Variants in DPH6 observed in about 807,000 individuals in gnomAD.
DPH6 encodes diphthine--ammonia ligase.
DPH6 carries 33 observed loss-of-function variants against 38.2 expected under a neutral mutation model. The ratio of observed to expected loss-of-function variants is 0.86; its 90% CI spans 0.65 to 1.15. The LOEUF (loss-of-function observed/expected upper bound fraction) is 1.15. Among genes scored for constraint, DPH6 ranks in the 50% most tolerant of loss-of-function variants. The pLI, the probability that DPH6 is intolerant of heterozygous loss-of-function variation, is 0.00. For synonymous variants in DPH6, 108 were observed against 103.0 expected (o/e 1.05, Z -0.30); for missense variants, 325 against 320.0 (o/e 1.02, Z -0.12).
intron 5 of DPH6, among the ~76,000 whole-genome samples, chr15:35,431,597 G>C (rs2053632927): frequency 6.6e-6 from 1 of 151,932 alleles, no homozygotes; most frequent in Admixed American, 6.6e-5. Context: ...TACTTTCCTG[G>C]AACAACAATT....
intron 3 of DPH6, among the ~76,000 whole-genome samples, chr15:35,260,106 T>G (rs960474440): frequency 6.6e-6 from 1 of 152,076 alleles, no homozygotes; most frequent in Non-Finnish European, 1.5e-5. Context: ...CAGGAGATTC[T>G]TTTATTTTAT....
At chr15:35,232,805 T>G (rs967156568) in intron 3 of DPH6, among the ~76,000 whole-genome samples, 6 of 152,214 alleles carry the variant, frequency 3.9e-5, no homozygotes, top group African/African-American at 1.4e-4. Context: ...CTAGCAATAT[T>G]TATCTTAATT....
exon 4 of DPH6, chr15:35,218,100 A>T (rs1277067320): frequency 6.6e-6 from 1 of 152,174 alleles, no homozygotes; most frequent in Non-Finnish European, 1.5e-5. Flanking sequence ...CAGATGCAGA[A>T]CCCACAGATA....
At chr15:35,433,366 A>T (rs1478762182) in intron 5 of DPH6, among the ~76,000 whole-genome samples, 3 of 152,206 alleles carry the variant, frequency 2.0e-5, no homozygotes, top group Non-Finnish European at 4.4e-5. Context: ...TAGCTTTTCA[A>T]AGCAGGAGAA....
chr15:35,338,407 T>C (rs1014186492), intron 3 of DPH6, among the ~76,000 whole-genome samples: 2 of 152,210 alleles, frequency 1.3e-5, no homozygotes, highest in African/African-American at 4.8e-5. Flanking sequence ...AAGACATTTA[T>C]GCAGCCAAAA....
the DPH6 span, among the ~76,000 whole-genome samples, chr15:35,194,614 G>C: frequency 6.6e-6 from 1 of 152,184 alleles, no homozygotes; most frequent in African/African-American, 2.4e-5. Context: ...TGCTTCTGTA[G>C]TCGAATATTT....
At chr15:35,262,914 C>T (rs1463429627) in intron 3 of DPH6, among the ~76,000 whole-genome samples, 1 of 152,036 alleles carries the variant, frequency 6.6e-6, no homozygotes, top group East Asian at 1.9e-4. Flanking sequence ...GTGAGAGAAT[C>T]ATGCAGAATT....
chr15:35,299,170 G>A, intron 3 of DPH6: 3 of 1,333,436 alleles, frequency 2.2e-6, no homozygotes, highest in Non-Finnish European at 3.2e-6. Flanking sequence ...AAGGGAATCA[G>A]AACTTCCCCT....
chr15:35,430,489 A>G (rs537991784), intron 5 of DPH6, among the ~76,000 whole-genome samples: 15 of 151,970 alleles, frequency 9.9e-5, no homozygotes, highest in Non-Finnish European at 1.6e-4. Flanking sequence ...CTCCTGCCCA[A>G]GGCAGGTGAG....
Position 35,539,676 on chromosome 15 carries a change from C to T in DPH6, c.119-1209G>A, listed in dbSNP as rs144164436. On this transcript the variant is annotated intron_variant, in intron 2 of 8. Transcript: ENST00000256538. ...TCACAAAATGCTATTAAAAAAATTACAAAGTAGTTATTTTGACATATACCT... is the reference window on the plus strand; with the variant it reads ...TCACAAAATGCTATTAAAAAAATTATAAAGTAGTTATTTTGACATATACCT... 1.1e-4 allele frequency among the ~76,000 whole-genome samples: 17 copies of T among 151,988 alleles called. 1 individual carries two copies. The highest frequency in any genetic ancestry group is 3.3e-4 in the Admixed American group (5 of 15,240).
chr15:35,359,380 C>T (rs1412255636), intron 3 of DPH6, among the ~76,000 whole-genome samples: 1 of 152,278 alleles, frequency 6.6e-6, no homozygotes, highest in East Asian at 1.9e-4. Flanking sequence ...CGCGCCCTTC[C>T]CCAAGTTCTG....
intron 3 of DPH6, among the ~76,000 whole-genome samples, chr15:35,244,388 T>C (rs1428950127): frequency 6.6e-6 from 1 of 152,220 alleles, no homozygotes; most frequent in East Asian, 1.9e-4. Flanking sequence ...GGAGGGAGCT[T>C]CCTGAATGAT....
At chr15:35,256,842 G>A (rs981129142) in intron 3 of DPH6, among the ~76,000 whole-genome samples, 14 of 152,196 alleles carry the variant, frequency 9.2e-5, no homozygotes, top group Non-Finnish European at 1.9e-4. Context: ...AGCATATCTG[G>A]TATGTGTGTA....
At chr15:35,311,083 A>C (rs74835338) in intron 3 of DPH6, among the ~76,000 whole-genome samples, 3,717 of 146,502 alleles carry the variant, frequency 0.025, 63 homozygotes, top group East Asian at 0.048. Flanking sequence ...ACAACAACAA[A>C]AAAAAAAACC....
At chr15:35,417,181 C>T (rs2053446853) in intron 5 of DPH6, among the ~76,000 whole-genome samples, 2 of 151,970 alleles carry the variant, frequency 1.3e-5, no homozygotes, top group Admixed American at 6.6e-5. Flanking sequence ...AACATCTAAG[C>T]ATTGTATGTA....
chr15:35,490,169 G>C, intron 3 of DPH6: 1 of 985,354 alleles, frequency 1.0e-6, no homozygotes, highest in Non-Finnish European at 1.2e-6. Flanking sequence ...AGTAAAGTCT[G>C]AGATTCCTGT....
At chr15:35,267,899 G>A (rs1036511025) in intron 3 of DPH6, among the ~76,000 whole-genome samples, 8 of 152,098 alleles carry the variant, frequency 5.3e-5, no homozygotes, top group Non-Finnish European at 1.0e-4. Context: ...GGCCAGGCGC[G>A]GTGGCTCACG....
Position 35,410,833 on chromosome 15 carries a change from A to ATG in DPH6, c.567+1_567+2insCA. Reference sequence around the variant, plus strand: ...ATTTTGAGATCTAGTATAAATTCTTACCTCTATGAGATAAGGCTCCATTTG... The same window carrying ATG: ...ATTTTGAGATCTAGTATAAATTCTTATGCCTCTATGAGATAAGGCTCCATTTG... On this transcript the variant is annotated splice_donor_variant, in intron 6 of 8. Transcript: ENST00000256538. LOFTEE classifies it high-confidence loss of function. 1 of 1,596,058 alleles carries ATG rather than the reference A, an allele frequency of 6.3e-7. No homozygotes were observed.
chr15:35,333,290 T>C (rs2052341759), intron 3 of DPH6, among the ~76,000 whole-genome samples: 1 of 152,274 alleles, frequency 6.6e-6, no homozygotes, highest in East Asian at 1.9e-4. Context: ...ATACGAATAC[T>C]TGGTATCTTG....
Sources: gnomAD v4.1 joint callset for allele counts (sites outside exome capture counted in the v4.1 genomes callset) on GRCh38, gnomAD v4.1.1 for gene constraint, MANE v1.5 for transcripts, NCBI Gene and HGNC (gene_info 2026-07-23, HGNC 2026-07-21) for gene names.